Variants in ZKSCAN7 observed in about 807,000 individuals in gnomAD.
ZKSCAN7 encodes zinc finger with KRAB and SCAN domains 7.
In ZKSCAN7, 38 loss-of-function variants were observed where a neutral mutation model predicts 65.3. The observed-to-expected ratio is 0.58, with a 90% CI of 0.45 to 0.76. The LOEUF (loss-of-function observed/expected upper bound fraction) is 0.76, where lower values mean the gene tolerates loss of function less well. Ranked by LOEUF, ZKSCAN7 falls within the 30% of genes least tolerant of loss-of-function variation. The pLI, the probability that ZKSCAN7 is intolerant of heterozygous loss-of-function variation, is 0.00. For missense variants in ZKSCAN7, 815 were observed against 913.3 expected (o/e 0.89, Z 1.39); for synonymous variants, 321 against 321.0 (o/e 1.00, Z 0.00).
rs772719230 is a variant in ZKSCAN7 at position 44,565,550 on chromosome 3, A to C, written c.487A>C (p.Lys163Gln). ...FEETTALGTT[K>Q]ESPPTSPLSG... ...GGAGACAACAGCTCTGGGTACAACA[A>C]AGGAATCTCCTCCTACCTCACCCCT... The change falls in exon 3 of 6, where the codon AAG becomes CAG. Residue 163 changes from lysine to glutamine, a missense_variant. Around this residue, in one of 3 missense-constraint regions of ZKSCAN7, gnomAD observed 227 missense variants for 253.3 expected, o/e 0.90. Coordinates refer to ENST00000426540, the MANE Select transcript of ZKSCAN7 (RefSeq NM_001288590.2). 6.2e-7 allele frequency: 1 copy of C among 1,613,062 alleles called. No homozygotes were observed. Among genetic ancestry groups the C allele is most frequent in the East Asian group, 2.2e-5 (1 of 44,856 alleles).
chr3:44,569,869 T>C lies in ZKSCAN7; in HGVS notation c.812-53T>C, dbSNP rs898917580. The C allele has an allele frequency of 6.0e-6, 9 of 1,491,390 alleles. No individual in the cohort carries two copies. In the Admixed American group the frequency reaches 1.7e-4, roughly 29 times the overall value. 92.4% of individuals were successfully genotyped at this position (1,491,390 alleles called of 1,614,324 possible). ...TATGTTAGCTCTTAATGATTCTCTT[T>C]CTTAAACAGGATAAGAAATGGGTAA... On this transcript the variant is annotated intron_variant, in intron 5 of 5. Transcript: ENST00000426540.
chr3:44,557,034 T>A lies in ZKSCAN7; in HGVS notation c.-14T>A. The A allele has an allele frequency of 6.2e-7, 1 of 1,613,972 alleles. No homozygotes were observed. Among genetic ancestry groups the A allele is most frequent in the Non-Finnish European group, 8.5e-7 (1 of 1,179,988 alleles). ...ACCAACTGCAGCTGTAACAAGCTTC[T>A]CTTTGGGGTCACAATGACCACTGCA... is the stretch of plus-strand genomic sequence containing the variant. On this transcript the variant is annotated 5_prime_UTR_variant, in exon 2 of 6. Transcript: ENST00000426540.
At chr3:44,580,019 C>T in intron 5 of ZKSCAN7, 1 of 1,581,124 alleles carries the variant, frequency 6.3e-7, no homozygotes, top group South Asian at 1.1e-5. Context: ...TAGGGAACGC[C>T]CTTTTCTCGC....
At chr3:44,580,943 G>C (rs976566590) in intron 5 of ZKSCAN7, 2 of 1,612,512 alleles carry the variant, frequency 1.2e-6, no homozygotes, top group Admixed American at 3.3e-5. Flanking sequence ...GCGACTCGCG[G>C]GGCTGGAAGC....
In ZKSCAN7 at chr3:44,557,126, G is replaced by A; in HGVS notation, c.79G>A (p.Val27Met). The change falls in exon 2 of 6, where the codon GTG (valine) becomes ATG (methionine). Residue 27 changes from valine to methionine, a missense_variant. Val to Met is a conservative substitution (Grantham distance 21). Around this residue, in one of 3 missense-constraint regions of ZKSCAN7, gnomAD observed 227 missense variants for 253.3 expected, o/e 0.90. Transcript: ENST00000426540. ...AFQKQEGRLTVKQEPANQTWG... is the reference protein window; with the variant it reads ...AFQKQEGRLTMKQEPANQTWG... ...CCAGAAGCAAGAGGGGCGCCTGACT[G>A]TGAAGCAGGAGCCAGCAAACCAGAC... The A allele has an allele frequency of 6.2e-7, 1 of 1,614,258 alleles. No homozygotes were observed. The highest frequency in any genetic ancestry group is 8.5e-7 in the Non-Finnish European group (1 of 1,180,052).
At chr3:44,575,224 A>C (rs529119550), downstream of ZKSCAN7, among the ~76,000 whole-genome samples, 408 of 152,356 alleles carry the variant, frequency 2.7e-3, 1 homozygote, top group African/African-American at 9.5e-3. Context: ...CGAGCCTGGG[A>C]GGCCATGGCT....
At chr3:44,564,609 A>G (rs548125566) in intron 2 of ZKSCAN7, among the ~76,000 whole-genome samples, 1 of 152,366 alleles carries the variant, frequency 6.6e-6, no homozygotes, top group South Asian at 2.1e-4. Flanking sequence ...GCTCAGAGAA[A>G]GCTTCTCTGA....
In ZKSCAN7 at chr3:44,571,134, G is replaced by A. The variant is rs1575376261; in HGVS notation, c.2024G>A (p.Ser675Asn). The A allele has an allele frequency of 1.9e-6, 3 of 1,614,170 alleles. No homozygotes were observed. Among genetic ancestry groups the A allele is most frequent in the East Asian group, 2.2e-5 (1 of 44,886 alleles). ...GAGTGTGGGAAGGTATTCAGTTATA[G>A]CTCCAGCCTTATGGTACATCAGAGA... Reference protein sequence around the residue: ...CNECGKVFSYSSSLMVHQRTH... With the variant: ...CNECGKVFSYNSSLMVHQRTH... Residue 675 changes from serine (S) to asparagine (N), a missense_variant, in exon 6 of 6, where the codon AGC becomes AAC. Physicochemically the swap from Ser to Asn is conservative, Grantham distance 46. Coordinates refer to ENST00000426540, the MANE Select transcript of ZKSCAN7 (RefSeq NM_001288590.2).
At chr3:44,579,975 T>TGA in intron 5 of ZKSCAN7, 1 of 1,411,260 alleles carries the variant, frequency 7.1e-7, no homozygotes, top group Admixed American at 1.8e-5. Context: ...GAGAGGAGCT[T>TGA]GGGGGGGGGC....
chr3:44,562,330 C>T lies in ZKSCAN7; in HGVS notation c.424-3157C>T, dbSNP rs138009941. 4.2e-3 allele frequency among the ~76,000 whole-genome samples: 642 copies of T among 152,314 alleles called. 2 individuals carry two copies. The highest frequency in any genetic ancestry group is 0.015 in the African/African-American group (605 of 41,572). ...CATGTCCTGAGGCTGCACAGAGCAG[C>T]TAGGCCCTGGGCCTAGCCCATGAAA... On this transcript the variant is annotated intron_variant, in intron 2 of 5. Coordinates refer to ENST00000426540, the MANE Select transcript of ZKSCAN7 (RefSeq NM_001288590.2).
intron 2 of ZKSCAN7, among the ~76,000 whole-genome samples, chr3:44,562,107 A>G (rs969164754): frequency 1.3e-5 from 2 of 152,252 alleles, no homozygotes; most frequent in African/African-American, 2.4e-5. Flanking sequence ...CTGCCTGGAC[A>G]TCCAGGTGTT....
At position 44,571,666 on chromosome 3, in the gene ZKSCAN7, A is replaced by G; in HGVS notation, c.*291A>G. 8.1e-7 allele frequency: 1 copy of G among 1,238,492 alleles called. No individual in the cohort carries two copies. 76.7% of individuals were successfully genotyped at this position (1,238,492 alleles called of 1,614,324 possible). ...TTTCTTAGTTATGCATCTCATAATC[A>G]GACTCCATGCTTTTTAAAGACAGAG... On this transcript the variant is annotated 3_prime_UTR_variant, in exon 6 of 6. Transcript: ENST00000426540.
In ZKSCAN7 at chr3:44,570,747, C is replaced by A. The variant is rs1259252276; in HGVS notation, c.1637C>A (p.Thr546Asn). 1.7e-5 allele frequency: 27 copies of A among 1,614,016 alleles called. No homozygotes were observed. Among genetic ancestry groups the A allele is most frequent in the Non-Finnish European group, 1.7e-5 (20 of 1,180,032 alleles). ...RNLIDHQRIH[T>N]GEKPYECSEC... ...CTCATTGACCATCAGAGAATCCACA[C>A]TGGGGAGAAGCCTTATGAGTGTAGT... Residue 546 changes from threonine to asparagine, a missense_variant, in exon 6 of 6, where the codon ACT (threonine) becomes AAT (asparagine). Thr to Asn is a moderately conservative substitution (Grantham distance 65). Transcript: ENST00000426540.
In ZKSCAN7 at chr3:44,571,554, G is replaced by A; in HGVS notation, c.*179G>A. 6.7e-7 allele frequency: 1 copy of A among 1,487,268 alleles called. No individual in the cohort carries two copies. Among genetic ancestry groups the A allele is most frequent in the Non-Finnish European group, 8.9e-7 (1 of 1,123,104 alleles). 92.1% of individuals were successfully genotyped at this position (1,487,268 alleles called of 1,614,324 possible). On this transcript the variant is annotated 3_prime_UTR_variant, in exon 6 of 6. Coordinates refer to ENST00000426540, the MANE Select transcript of ZKSCAN7 (RefSeq NM_001288590.2). The stretch of plus-strand genomic sequence containing the variant: ...TTATTCCAGTTCTTACCCATTATTA[G>A]GAAGGTAAGGACTACACATGTCATT...
Position 44,570,751 on chromosome 3 carries a change from G to A in ZKSCAN7, c.1641G>A (p.Gly547=). Residue 547 remains glycine (G), a synonymous_variant, in exon 6 of 6, where the codon GGG becomes GGA. Coordinates refer to ENST00000426540, the MANE Select transcript of ZKSCAN7 (RefSeq NM_001288590.2). ...NLIDHQRIHT[G]EKPYECSECG... ...TTGACCATCAGAGAATCCACACTGGGGAGAAGCCTTATGAGTGTAGTGAAT... is the reference window on the plus strand; with the variant it reads ...TTGACCATCAGAGAATCCACACTGGAGAGAAGCCTTATGAGTGTAGTGAAT... The A allele has an allele frequency of 1.9e-6, 3 of 1,614,020 alleles. No individual in the cohort carries two copies. The highest frequency in any genetic ancestry group is 2.5e-6 in the Non-Finnish European group (3 of 1,180,006).
At position 44,569,998 on chromosome 3, in the gene ZKSCAN7, G is replaced by C. The variant is rs765440586; in HGVS notation, c.888G>C (p.Arg296Ser). ...EFFKGSESSN[R>S]TSGGLFGVVP... is the part of the protein sequence containing the mutation. ...TTAAAGGATCAGAGTCATCTAACAGGACATCAGGGGGACTCTTTGGGGTGG... is the reference window on the plus strand; with the variant it reads ...TTAAAGGATCAGAGTCATCTAACAGCACATCAGGGGGACTCTTTGGGGTGG... Residue 296 changes from arginine (R) to serine (S), a missense_variant, in exon 6 of 6, where the codon AGG becomes AGC. Physicochemically the swap from Arg to Ser is moderately radical, Grantham distance 110. Around this residue, in one of 3 missense-constraint regions of ZKSCAN7, gnomAD observed 578 missense variants for 629.5 expected, o/e 0.92. Coordinates refer to ENST00000426540, the MANE Select transcript of ZKSCAN7 (RefSeq NM_001288590.2). The C allele has an allele frequency of 2.2e-5, 36 of 1,609,242 alleles. No homozygotes were observed. Among genetic ancestry groups the C allele is most frequent in the Admixed American group, 1.5e-4 (9 of 59,094 alleles).
chr3:44,557,538 A>C, intron 2 of ZKSCAN7, 68 bp downstream of exon 2: 1 of 1,600,470 alleles, frequency 6.2e-7, no homozygotes, highest in Non-Finnish European at 8.5e-7. Flanking sequence ...AGGAATAGGC[A>C]TTCTCCACTT....
chr3:44,571,298 C>G lies in ZKSCAN7; in HGVS notation c.2188C>G (p.Gln730Glu). ...ECSECGKAFS[Q>E]RSTFNHHQRT... ...TAGTGAATGTGGGAAAGCCTTTAGTCAGCGTTCCACTTTTAATCACCACCA... is the reference window on the plus strand; with the variant it reads ...TAGTGAATGTGGGAAAGCCTTTAGTGAGCGTTCCACTTTTAATCACCACCA... Residue 730 changes from glutamine (Q) to glutamate (E), a missense_variant, in exon 6 of 6, where the codon CAG becomes GAG. Gln to Glu is a conservative substitution (Grantham distance 29). Around this residue, in one of 3 missense-constraint regions of ZKSCAN7, gnomAD observed 578 missense variants for 629.5 expected, o/e 0.92. Transcript: ENST00000426540. 1 of 1,614,236 alleles carries G rather than the reference C, an allele frequency of 6.2e-7. No individual in the cohort carries two copies. The highest frequency in any genetic ancestry group is 8.5e-7 in the Non-Finnish European group (1 of 1,180,038).
At position 44,557,482 on chromosome 3, in the gene ZKSCAN7, A is replaced by C. The variant is rs1260686652; in HGVS notation, c.423+12A>C. 1 of 1,613,598 alleles carries C rather than the reference A, an allele frequency of 6.2e-7. No homozygotes were observed. Among genetic ancestry groups the C allele is most frequent in the Non-Finnish European group, 8.5e-7 (1 of 1,179,868 alleles). On this transcript the variant is annotated intron_variant, in intron 2 of 5. Coordinates refer to ENST00000426540, the MANE Select transcript of ZKSCAN7 (RefSeq NM_001288590.2). ...GTGGATCAGAGGAGGTGAGCAGTTG[A>C]GTCTAGAATGGCGGCCTGATGCTTC...
Sources: gnomAD v4.1 joint callset for allele counts (sites outside exome capture counted in the v4.1 genomes callset) on GRCh38, gnomAD v4.1.1 for gene constraint, gnomAD v4.1.1 regional missense constraint, MANE v1.5 for transcripts, NCBI Gene and HGNC (gene_info 2026-07-23, HGNC 2026-07-21) for gene names.